The following ABHD12 variants were observed in gnomAD, a reference collection of about 807,000 sequenced individuals.
ABHD12 encodes abhydrolase domain containing 12, lysophospholipase, also known as lysophosphatidylserine lipase ABHD12.
Under a neutral mutation model 58.3 loss-of-function variants are expected in ABHD12, and 43 were observed. The ratio of observed to expected loss-of-function variants is 0.74; its 90% CI spans 0.58 to 0.95. The LOEUF (loss-of-function observed/expected upper bound fraction) is 0.95. ABHD12 is among the 40% of genes least tolerant of loss of function. The pLI is 0.00. For synonymous variants in ABHD12, 219 were observed against 211.2 expected (o/e 1.04, Z -0.32); for missense variants, 539 against 537.2 (o/e 1.00, Z -0.03).
intron 9 of ABHD12, among the ~76,000 whole-genome samples, chr20:25,307,191 G>A (rs113398959): frequency 6.6e-6 from 1 of 152,284 alleles, no homozygotes; most frequent in African/African-American, 2.4e-5. Flanking sequence ...TGGGGCTCCC[G>A]CACCTCCCAG....
At chr20:25,364,788 C>T (rs953002811) in intron 1 of ABHD12, among the ~76,000 whole-genome samples, 7 of 152,188 alleles carry the variant, frequency 4.6e-5, no homozygotes, top group African/African-American at 1.7e-4. Context: ...TATAAGAATA[C>T]TGACAATATC....
chr20:25,366,383 C>G (rs933865915), intron 1 of ABHD12, among the ~76,000 whole-genome samples: 2 of 152,118 alleles, frequency 1.3e-5, no homozygotes, highest in Non-Finnish European at 2.9e-5. Context: ...TCTCCTGCCT[C>G]AGCCTCCCTA....
chr20:25,385,681 C>T (rs2090079922), intron 1 of ABHD12, among the ~76,000 whole-genome samples: 1 of 123,816 alleles, frequency 8.1e-6, no homozygotes, highest in Non-Finnish European at 1.6e-5. Flanking sequence ...CTGCCTGTAC[C>T]AAAAAATTTA....
intron 6 of ABHD12, 35 bp from the exon 7 acceptor site, chr20:25,309,610 A>G: frequency 3.1e-6 from 5 of 1,612,730 alleles, no homozygotes; most frequent in Non-Finnish European, 4.2e-6. Context: ...GGGAGGTCAA[A>G]GGCAGCTCAC....
At chr20:25,295,730 G>C (rs972134576), downstream of ABHD12, 1 of 1,507,144 alleles carries the variant, frequency 6.6e-7, no homozygotes, top group Non-Finnish European at 9.2e-7. Context: ...TAGACGTGTT[G>C]GGTCAGATTG....
At chr20:25,295,660 A>G, downstream of ABHD12, 3 of 1,613,918 alleles carry the variant, frequency 1.9e-6, no homozygotes, top group Non-Finnish European at 1.7e-6. Flanking sequence ...CAGGTGGACC[A>G]GCTGTACCGG....
intron 1 of ABHD12, among the ~76,000 whole-genome samples, chr20:25,349,772 C>T (rs962468230): frequency 2.0e-5 from 3 of 152,086 alleles, no homozygotes; most frequent in Non-Finnish European, 2.9e-5. Flanking sequence ...TATTGCTTAA[C>T]GGTTTCAGAG....
At chr20:25,305,286 T>G (rs1388470991) in intron 10 of ABHD12, among the ~76,000 whole-genome samples, 17 of 152,248 alleles carry the variant, frequency 1.1e-4, no homozygotes. Context: ...CAAAACATAC[T>G]TGATGGGAAA....
chr20:25,315,830 C>T (rs545130539), intron 5 of ABHD12, among the ~76,000 whole-genome samples: 4 of 152,338 alleles, frequency 2.6e-5, no homozygotes, highest in Non-Finnish European at 4.4e-5. Context: ...GGTGTGCCCC[C>T]GCCTCTGTCT....
At chr20:25,294,992 A>T in exon 13 of ABHD12, 26 of 1,614,196 alleles carry the variant, frequency 1.6e-5, no homozygotes, top group Non-Finnish European at 2.1e-5. Context: ...CTCTGACCAC[A>T]TGCTGGGATC....
At chr20:25,295,969 C>T (rs749800972), downstream of ABHD12, among the ~76,000 whole-genome samples, 5 of 152,156 alleles carry the variant, frequency 3.3e-5, no homozygotes, top group African/African-American at 1.2e-4. Context: ...GGGCTGGCCT[C>T]GAGGAAAGGC....
chr20:25,302,181 C>G (rs925934756), intron 12 of ABHD12, 38 bp downstream of exon 12: 21 of 1,611,922 alleles, frequency 1.3e-5, no homozygotes, highest in Non-Finnish European at 1.8e-5. Flanking sequence ...GCCAGTGCTG[C>G]CCAGACGAAG....
intron 3 of ABHD12, among the ~76,000 whole-genome samples, chr20:25,323,092 T>C (rs560815534): frequency 6.6e-6 from 1 of 152,364 alleles, no homozygotes; most frequent in South Asian, 2.1e-4. Context: ...CTAAAAATAA[T>C]AATCTGTTCA....
chr20:25,323,888 G>A (rs1378407944), intron 2 of ABHD12, among the ~76,000 whole-genome samples: 1 of 152,242 alleles, frequency 6.6e-6, no homozygotes, highest in South Asian at 2.1e-4. Flanking sequence ...AGCAGGAAAG[G>A]GGATGGCGCT....
intron 1 of ABHD12, among the ~76,000 whole-genome samples, chr20:25,348,279 A>G (rs1221223457): frequency 1.3e-5 from 2 of 152,048 alleles, no homozygotes; most frequent in African/African-American, 4.8e-5. Context: ...GAGAAAAGGC[A>G]AGAAATAGAC....
intron 6 of ABHD12, among the ~76,000 whole-genome samples, chr20:25,309,841 C>A (rs765636995): frequency 6.6e-6 from 1 of 152,222 alleles, no homozygotes; most frequent in Non-Finnish European, 1.5e-5. Flanking sequence ...AACCAGACAT[C>A]CCCTCACAGG....
At chr20:25,349,332 T>C (rs2089567558) in intron 1 of ABHD12, among the ~76,000 whole-genome samples, 1 of 152,180 alleles carries the variant, frequency 6.6e-6, no homozygotes, top group Non-Finnish European at 1.5e-5. Flanking sequence ...AGTTTGGCCA[T>C]TCCTCAAAAA....
At chr20:25,341,331 T>G (rs1325245338) in intron 1 of ABHD12, among the ~76,000 whole-genome samples, 2 of 152,226 alleles carry the variant, frequency 1.3e-5, no homozygotes, top group Non-Finnish European at 2.9e-5. Context: ...GCCATTGGAC[T>G]GACACAGTAA....
intron 1 of ABHD12, among the ~76,000 whole-genome samples, chr20:25,379,143 G>T (rs2089993431): frequency 6.6e-6 from 1 of 152,190 alleles, no homozygotes. Flanking sequence ...TGGGATGTGT[G>T]CAGGGACCCC....
Sources: allele counts gnomAD v4.1 joint callset (sites outside exome capture counted in the v4.1 genomes callset), GRCh38; gene constraint gnomAD v4.1.1; transcripts MANE v1.5; gene names NCBI Gene and HGNC (gene_info 2026-07-23, HGNC 2026-07-21).